Variants in SCHIP1 observed in about 807,000 individuals in gnomAD.
The protein encoded by SCHIP1 is schwannomin interacting protein 1, also known as schwannomin-interacting protein 1.
A neutral mutation model predicts 29.7 loss-of-function variants in SCHIP1; 8 were observed. The observed-to-expected ratio is 0.27, with a 90% CI of 0.16 to 0.49. The LOEUF is 0.49. Ranked by LOEUF, SCHIP1 falls within the 20% of genes least tolerant of loss-of-function variation. The pLI is 0.99. For synonymous variants in SCHIP1, 76 were observed against 94.9 expected (o/e 0.80, Z 1.16); for missense variants, 193 against 294.6 (o/e 0.66, Z 2.52).
At chr3:159,465,314 ATTGTGTGTGTGTGTGTGTGTGTGTGT>A in the SCHIP1 span, among the ~76,000 whole-genome samples, 15 of 125,424 alleles carry the variant, frequency 1.2e-4, no homozygotes, top group Non-Finnish European at 2.4e-4. Context: ...AATGTGTATG[ATTGTGTGTGTGTGTGTGTGTGTGTGT>A]TTGTGTGCGT....
the SCHIP1 span, among the ~76,000 whole-genome samples, chr3:159,526,591 CA>C: frequency 2.0e-5 from 3 of 152,206 alleles, no homozygotes; most frequent in African/African-American, 7.2e-5. Context: ...TTGTGCCCAT[CA>C]AATGATAGGT....
chr3:159,806,165 A>G, the SCHIP1 span, among the ~76,000 whole-genome samples: 1 of 152,124 alleles, frequency 6.6e-6, no homozygotes, highest in South Asian at 2.1e-4. Flanking sequence ...GCTGCATGTT[A>G]TACGAATGGG....
chr3:159,676,781 A>G, the SCHIP1 span, among the ~76,000 whole-genome samples: 4 of 152,186 alleles, frequency 2.6e-5, no homozygotes, highest in African/African-American at 7.2e-5. Context: ...CTCCGTGGTC[A>G]TCCAACCACC....
chr3:159,861,114 A>G lies in SCHIP1; in HGVS notation c.31-5049A>G, dbSNP rs1714014026. On this transcript the variant is annotated intron_variant, in intron 1 of 6. Transcript: ENST00000445224. The surrounding 1 kb of genome is among the most constrained non-coding windows in gnomAD (Gnocchi z 4.1). ...TTAAATAGATTTTGAAAATGCAGAA[A>G]ACACCCAATCTTCCACTTGTAAATT... is the stretch of plus-strand genomic sequence containing the variant. Among the ~76,000 whole-genome samples, 1 of 152,182 alleles carries G rather than the reference A, an allele frequency of 6.6e-6. No homozygotes were observed. Among genetic ancestry groups the G allele is most frequent in the African/African-American group, 2.4e-5 (1 of 41,430 alleles).
chr3:159,549,568 A>G, the SCHIP1 span, among the ~76,000 whole-genome samples: 1 of 152,152 alleles, frequency 6.6e-6, no homozygotes, highest in Non-Finnish European at 1.5e-5. Context: ...GCACACAGTG[A>G]GATAACAGTC....
chr3:159,733,854 G>C, the SCHIP1 span, among the ~76,000 whole-genome samples: 1 of 152,158 alleles, frequency 6.6e-6, no homozygotes, highest in African/African-American at 2.4e-5. Context: ...TTACTGAAAA[G>C]AAAGATCTGT....
At chr3:159,287,303 A>G in the SCHIP1 span, among the ~76,000 whole-genome samples, 1 of 150,976 alleles carries the variant, frequency 6.6e-6, no homozygotes, top group Admixed American at 6.6e-5. Context: ...TCTTATATTT[A>G]TTTTTATTTT....
chr3:159,338,896 T>C, the SCHIP1 span, among the ~76,000 whole-genome samples: 1 of 152,176 alleles, frequency 6.6e-6, no homozygotes, highest in Admixed American at 6.6e-5. Context: ...TGAAAGAAGC[T>C]ATGTCACTAA....
chr3:159,649,988 A>G, the SCHIP1 span, among the ~76,000 whole-genome samples: 1 of 152,230 alleles, frequency 6.6e-6, no homozygotes, highest in African/African-American at 2.4e-5. Flanking sequence ...TTTTAATAGC[A>G]TAGCTACACT....
chr3:159,538,994 G>A, the SCHIP1 span, among the ~76,000 whole-genome samples: 2 of 151,902 alleles, frequency 1.3e-5, no homozygotes, highest in Non-Finnish European at 2.9e-5. Context: ...CTCATCCATG[G>A]ATGGTTATAT....
At chr3:159,775,551 A>G in the SCHIP1 span, among the ~76,000 whole-genome samples, 1 of 152,158 alleles carries the variant, frequency 6.6e-6, no homozygotes, top group African/African-American at 2.4e-5. Context: ...TCTCCTGTGC[A>G]GGTTACCAAT....
the SCHIP1 span, among the ~76,000 whole-genome samples, chr3:159,312,699 C>T: frequency 1.3e-5 from 2 of 152,252 alleles, no homozygotes; most frequent in East Asian, 1.9e-4. Context: ...TGAATCCCTG[C>T]GTGGACTTCA....
chr3:159,555,986 C>T, the SCHIP1 span, among the ~76,000 whole-genome samples: 1 of 152,050 alleles, frequency 6.6e-6, no homozygotes, highest in Non-Finnish European at 1.5e-5. Flanking sequence ...TTGATGGGTG[C>T]AGCAAACCAC....
chr3:159,391,548 G>A, the SCHIP1 span, among the ~76,000 whole-genome samples: 1 of 152,134 alleles, frequency 6.6e-6, no homozygotes, highest in East Asian at 1.9e-4. Flanking sequence ...AACCATTCCT[G>A]CTACTCAATG....
At chr3:159,386,450 G>A in the SCHIP1 span, among the ~76,000 whole-genome samples, 3 of 152,144 alleles carry the variant, frequency 2.0e-5, no homozygotes, top group Admixed American at 6.6e-5. Flanking sequence ...AATCAATATC[G>A]TGAAAATGAA....
At chr3:159,559,618 G>A in the SCHIP1 span, among the ~76,000 whole-genome samples, 81 of 152,230 alleles carry the variant, frequency 5.3e-4, no homozygotes, top group Non-Finnish European at 8.8e-4. Context: ...CATCTGCTGA[G>A]TTCTGAGAAA....
chr3:159,295,269 AAAAAAAAC>A, the SCHIP1 span, among the ~76,000 whole-genome samples: 3 of 145,042 alleles, frequency 2.1e-5, no homozygotes, highest in East Asian at 3.1e-4. Context: ...AAAAAAAAAA[AAAAAAAAC>A]AACTAGCCAG....
the SCHIP1 span, among the ~76,000 whole-genome samples, chr3:159,485,783 G>A: frequency 6.6e-6 from 1 of 152,052 alleles, no homozygotes; most frequent in African/African-American, 2.4e-5. Context: ...TGCATAGTAG[G>A]GACTTGATAA....
At chr3:159,745,538 A>G in the SCHIP1 span, among the ~76,000 whole-genome samples, 1 of 152,182 alleles carries the variant, frequency 6.6e-6, no homozygotes, top group East Asian at 1.9e-4. Flanking sequence ...TCTAACTTGC[A>G]CTTCATTTGC....
Sources: allele counts gnomAD v4.1 joint callset (sites outside exome capture counted in the v4.1 genomes callset), GRCh38; gene constraint gnomAD v4.1.1; non-coding constraint Gnocchi (gnomAD v3.1); transcripts MANE v1.5; gene names NCBI Gene and HGNC (gene_info 2026-07-23, HGNC 2026-07-21).